TTLL9: variants seen among roughly 807,000 people sequenced by gnomAD.
TTLL9 encodes the protein probable tubulin polyglutamylase TTLL9.
In TTLL9, 47 loss-of-function variants were observed where a neutral mutation model predicts 65.6. The ratio of observed to expected loss-of-function variants is 0.72; its 90% CI spans 0.57 to 0.91. TTLL9 has a LOEUF of 0.91. Among genes scored for constraint, TTLL9 ranks in the 40% least tolerant of loss-of-function variants. The probability of loss-of-function intolerance (pLI) is 0.00; values close to 1 mark genes in which losing one functional copy is unlikely to be tolerated. For synonymous variants in TTLL9, 179 were observed against 204.8 expected (o/e 0.87, Z 1.07); for missense variants, 537 against 568.8 (o/e 0.94, Z 0.57).
intron 2 of TTLL9, among the ~76,000 whole-genome samples, chr20:31,880,496 CTT>C (rs781656694): frequency 7.7e-5 from 11 of 142,922 alleles, no homozygotes; most frequent in East Asian, 4.0e-4. Flanking sequence ...CCCCAACCGA[CTT>C]TTTTTTTTTT....
chr20:31,940,043 T>C (rs2064178912), intron 14 of TTLL9: 1 of 152,260 alleles, frequency 6.6e-6, no homozygotes, highest in Non-Finnish European at 1.5e-5. Flanking sequence ...TTTTTACTTT[T>C]ATAAATTATA....
chr20:31,908,561 C>A (rs770945703), intron 4 of TTLL9, 30 bp from the exon 5 acceptor site: 46 of 1,555,066 alleles, frequency 3.0e-5, no homozygotes, highest in Non-Finnish European at 4.1e-5. Flanking sequence ...CAGACCATGA[C>A]CTTTATCCCC....
At chr20:31,893,291 C>CTTTTTTTTT (rs34875132) in intron 3 of TTLL9, among the ~76,000 whole-genome samples, 5 of 130,118 alleles carry the variant, frequency 3.8e-5, no homozygotes, top group African/African-American at 1.1e-4. Context: ...TGTTCTTTTT[C>CTTTTTTTTT]TTTTTTTTTT....
At chr20:31,893,074 G>A (rs1322558894) in intron 3 of TTLL9, among the ~76,000 whole-genome samples, 4 of 151,864 alleles carry the variant, frequency 2.6e-5, no homozygotes, top group Admixed American at 1.3e-4. Context: ...CCCGAGGAAC[G>A]TTCTTTAGTG....
intron 2 of TTLL9, among the ~76,000 whole-genome samples, chr20:31,881,522 T>TA (rs2063117769): frequency 6.6e-6 from 1 of 151,934 alleles, no homozygotes; most frequent in African/African-American, 2.4e-5. Context: ...CTACCTCAAC[T>TA]ACCACTATGC....
chr20:31,898,536 C>T lies in TTLL9; in HGVS notation c.177C>T (p.Arg59=), dbSNP rs1384618999. The change falls in exon 4 of 15, where the codon CGC becomes CGT. Residue 59 remains arginine (R), a synonymous_variant. Transcript: ENST00000535842. The part of the protein sequence containing the change: ...TLMNTLMDVL[R]HRPGWVEVKD... ...TGAACACACTCATGGACGTCCTTCG[C>T]CACAGGCCAGGATGGGTGGAAGTGA... is the stretch of plus-strand genomic sequence containing the variant. 2 of 1,614,098 alleles carry T rather than the reference C, an allele frequency of 1.2e-6. No individual in the cohort carries two copies. Among genetic ancestry groups the T allele is most frequent in the Non-Finnish European group, 1.7e-6 (2 of 1,180,058 alleles).
intron 3 of TTLL9, among the ~76,000 whole-genome samples, chr20:31,888,112 G>A (rs922601859): frequency 3.9e-5 from 6 of 152,062 alleles, no homozygotes; most frequent in South Asian, 4.2e-4. Context: ...TCGAACTCCC[G>A]ACCTCAGGTG....
chr20:31,896,728 C>G (rs181945653), intron 3 of TTLL9, among the ~76,000 whole-genome samples: 33 of 152,138 alleles, frequency 2.2e-4, no homozygotes, highest in Middle Eastern at 3.4e-3. Context: ...TGGGATTTCA[C>G]AATGTTGGCC....
At chr20:31,918,141 C>G (rs779296602) in intron 6 of TTLL9, among the ~76,000 whole-genome samples, 1 of 152,068 alleles carries the variant, frequency 6.6e-6, no homozygotes, top group East Asian at 1.9e-4. Flanking sequence ...AGACTTTCCC[C>G]CCACCTCCCT....
At chr20:31,933,911 G>A (rs568223598) in intron 11 of TTLL9, 53 bp downstream of exon 11, 810 of 1,544,036 alleles carry the variant, frequency 5.2e-4, no homozygotes, top group Non-Finnish European at 6.4e-4. Flanking sequence ...GCGCCAGGTC[G>A]GGGTGGGGAG....
At chr20:31,879,909 C>T in intron 2 of TTLL9, 2 of 1,549,460 alleles carry the variant, frequency 1.3e-6, no homozygotes, top group Non-Finnish European at 1.7e-6. Flanking sequence ...TAGGAGTCGA[C>T]CTGACCCAGA....
chr20:31,877,794 T>G (rs993381825), intron 2 of TTLL9, among the ~76,000 whole-genome samples: 1 of 152,222 alleles, frequency 6.6e-6, no homozygotes, highest in African/African-American at 2.4e-5. Flanking sequence ...TGCCCCAACA[T>G]ATACACATTG....
intron 5 of TTLL9, 122 bp from the exon 6 acceptor site, chr20:31,909,615 A>ACTGTTG (rs2123504673): frequency 1.2e-6 from 1 of 800,834 alleles, no homozygotes; most frequent in Non-Finnish European, 2.0e-6. Flanking sequence ...AGTTACTCTT[A>ACTGTTG]CTGTTGCTAT....
intron 2 of TTLL9, among the ~76,000 whole-genome samples, chr20:31,877,207 C>T (rs1276798946): frequency 2.0e-5 from 3 of 152,144 alleles, no homozygotes; most frequent in Non-Finnish European, 4.4e-5. Flanking sequence ...GGCATGATCT[C>T]GGCTCACTGC....
intron 10 of TTLL9, 29 bp downstream of exon 10, chr20:31,926,120 C>A: frequency 1.3e-6 from 2 of 1,503,488 alleles, no homozygotes; most frequent in African/African-American, 1.4e-5. Flanking sequence ...CCCTTCCCTC[C>A]GGGAGCTTCC....
chr20:31,898,070 T>C (rs558460039), intron 3 of TTLL9, among the ~76,000 whole-genome samples: 1 of 152,148 alleles, frequency 6.6e-6, no homozygotes, highest in Non-Finnish European at 1.5e-5. Context: ...CTTTCAGTCT[T>C]ATATTTGTTT....
rs2062912683 is a variant in TTLL9, at chr20:31,870,815, T to C, written c.-140T>C. 2.0e-6 allele frequency: 1 copy of C among 509,126 alleles called. No homozygotes were observed. Among genetic ancestry groups the C allele is most frequent in the African/African-American group, 2.0e-5 (1 of 50,730 alleles). The allele number at this position is 509,126 out of a possible 1,614,324, so 31.5% of individuals were successfully genotyped here. ...CAAACTCCCGTCCCCCTTCCGGCTC[T>C]GCCTGGACGTCCCTGCGGGCCCCGG... On this transcript the variant is annotated 5_prime_UTR_variant, in exon 1 of 15. Coordinates refer to ENST00000535842, the MANE Select transcript of TTLL9 (RefSeq NM_001008409.5). This position sits in a 1 kb window ranked among gnomAD's most constrained non-coding sequence, Gnocchi z 6.6.
intron 10 of TTLL9, among the ~76,000 whole-genome samples, chr20:31,932,347 C>A (rs2064030509): frequency 6.6e-6 from 1 of 151,838 alleles, no homozygotes; most frequent in Admixed American, 6.6e-5. Context: ...TGGTGCTTGC[C>A]TGTAGTCCCA....
At chr20:31,905,180 C>T (rs567861185) in intron 4 of TTLL9, among the ~76,000 whole-genome samples, 1 of 152,270 alleles carries the variant, frequency 6.6e-6, no homozygotes, top group East Asian at 1.9e-4. Context: ...AAGTGATTCT[C>T]CTGCCTCAGC....
Sources: gnomAD v4.1 joint callset for allele counts (sites outside exome capture counted in the v4.1 genomes callset) on GRCh38, gnomAD v4.1.1 for gene constraint, Gnocchi (gnomAD v3.1) non-coding constraint, MANE v1.5 for transcripts, NCBI Gene and HGNC (gene_info 2026-07-23, HGNC 2026-07-21) for gene names.